ARHGAP22: variants seen among roughly 807,000 people sequenced by gnomAD.
The protein encoded by ARHGAP22 is Rho GTPase activating protein 22, also known as rho GTPase-activating protein 22.
ARHGAP22 carries 48 observed loss-of-function variants against 59.1 expected under a neutral mutation model. The ratio of observed to expected loss-of-function variants is 0.81; its 90% confidence interval spans 0.64 to 1.03. ARHGAP22 has a LOEUF of 1.03. Among genes scored for constraint, ARHGAP22 ranks in the 50% least tolerant of loss-of-function variants. The probability of loss-of-function intolerance (pLI) is 0.00; values close to 1 mark genes in which losing one functional copy is unlikely to be tolerated. For missense variants in ARHGAP22, 1,015 were observed against 958.7 expected (o/e 1.06, Z -0.78); for synonymous variants, 445 against 416.4 (o/e 1.07, Z -0.84).
downstream of ARHGAP22, chr10:48,443,961 A>AGAC (rs2045264714): frequency 6.6e-6 from 1 of 152,190 alleles, no homozygotes; most frequent in African/African-American, 2.4e-5. Flanking sequence ...TTTTTTAGTG[A>AGAC]GACATTCACA....
intron 3 of ARHGAP22, among the ~76,000 whole-genome samples, chr10:48,484,883 C>T (rs564419716): frequency 6.6e-6 from 1 of 152,340 alleles, no homozygotes; most frequent in South Asian, 2.1e-4. Flanking sequence ...TGGAGGATTA[C>T]CAATTTTATT....
In ARHGAP22 at chr10:48,582,974, G is replaced by T. The variant is rs1368758605; in HGVS notation, c.213C>A (p.Asp71Glu). Reference protein sequence around the residue: ...LRGDQLFYYKDKDEIKPQGFI... With the variant: ...LRGDQLFYYKEKDEIKPQGFI... The stretch of plus-strand genomic sequence containing the variant: ...TCACCTGGGGCTTGATCTCATCTTT[G>T]TCCTTGTAGTAGAAAAGCTGATCCC... The change falls in exon 2 of 10, where the codon GAC (aspartate) becomes GAA (glutamate). Residue 71 changes from aspartate (D) to glutamate (E), a missense_variant. Transcript: ENST00000249601. The T allele has an allele frequency of 6.2e-7, 1 of 1,614,104 alleles. No individual in the cohort carries two copies. Among genetic ancestry groups the T allele is most frequent in the Non-Finnish European group, 8.5e-7 (1 of 1,180,050 alleles).
chr10:48,445,739 G>A (rs2045313409), downstream of ARHGAP22: 1 of 154,576 alleles, frequency 6.5e-6, no homozygotes, highest in Non-Finnish European at 1.4e-5. Flanking sequence ...AGCAGAGCTA[G>A]GGCCATGGTG....
At chr10:48,607,294 T>C (rs2060714509), upstream of ARHGAP22, among the ~76,000 whole-genome samples, 1 of 152,220 alleles carries the variant, frequency 6.6e-6, no homozygotes, top group Non-Finnish European at 1.5e-5. Flanking sequence ...CCTGCTTTTC[T>C]GGGGATCAGA....
intron 3 of ARHGAP22, among the ~76,000 whole-genome samples, chr10:48,520,633 T>C (rs184685918): frequency 6.6e-6 from 1 of 152,168 alleles, no homozygotes; most frequent in Admixed American, 6.5e-5. Flanking sequence ...GGTTTTGTTT[T>C]TGAATTTTTG....
intron 3 of ARHGAP22, among the ~76,000 whole-genome samples, chr10:48,496,586 C>T (rs1241062491): frequency 6.6e-6 from 1 of 152,170 alleles, no homozygotes; most frequent in Non-Finnish European, 1.5e-5. Context: ...CCGCTCTCTT[C>T]ACCTTAGCTG....
the ARHGAP22 span, chr10:48,431,264 C>T: frequency 1.2e-6 from 2 of 1,609,238 alleles, no homozygotes; most frequent in East Asian, 2.2e-5. Context: ...GCAGCCCTCT[C>T]CTTTAGGTTG....
At position 48,577,801 on chromosome 10, in the gene ARHGAP22, G is replaced by GTTTTTT. The variant is rs34557935; in HGVS notation, c.234+5146_234+5151dup. 6.1e-4 allele frequency among the ~76,000 whole-genome samples: 36 copies of GTTTTTT among 59,160 alleles called. 6 individuals carry two copies. The highest frequency in any genetic ancestry group is 5.5e-3 in the South Asian group (4 of 726). The allele number at this position is 59,160 out of a possible 152,430, so 38.8% of individuals were successfully genotyped here. On this transcript the variant is annotated intron_variant, in intron 2 of 9. Transcript: ENST00000249601. ...TCTGAGATCTAACTGCTCTTTTTTG[G>GTTTTTT]TTTTTTTTTTTTTTTTTTTTTTTTT...
chr10:48,592,137 C>T (rs2059796503), intron 1 of ARHGAP22, among the ~76,000 whole-genome samples: 1 of 152,196 alleles, frequency 6.6e-6, no homozygotes, highest in South Asian at 2.1e-4. Context: ...TCTCTTTTAT[C>T]CAGCACCTCA....
chr10:48,543,484 C>A (rs1330847060), intron 3 of ARHGAP22, among the ~76,000 whole-genome samples: 1 of 152,114 alleles, frequency 6.6e-6, no homozygotes, highest in Non-Finnish European at 1.5e-5. Flanking sequence ...ATAAACATGT[C>A]CTGTATTTAA....
chr10:48,626,147 G>A (rs2061441661), intron 1 of ARHGAP22, among the ~76,000 whole-genome samples: 1 of 152,172 alleles, frequency 6.6e-6, no homozygotes, highest in African/African-American at 2.4e-5. Flanking sequence ...TTGATATTAT[G>A]CTGGTTTCTT....
At chr10:48,496,355 C>T (rs1486846770) in intron 3 of ARHGAP22, among the ~76,000 whole-genome samples, 2 of 152,108 alleles carry the variant, frequency 1.3e-5, no homozygotes, top group African/African-American at 4.8e-5. Context: ...ACAACAGCAG[C>T]CTACTATGCG....
At chr10:48,633,048 C>T (rs1331542715) in intron 1 of ARHGAP22, among the ~76,000 whole-genome samples, 3 of 152,162 alleles carry the variant, frequency 2.0e-5, no homozygotes, top group Non-Finnish European at 4.4e-5. Flanking sequence ...CAGGCCTTTC[C>T]ATTGGATGAT....
chr10:48,517,385 T>C (rs1380278214), intron 3 of ARHGAP22, among the ~76,000 whole-genome samples: 3 of 152,078 alleles, frequency 2.0e-5, no homozygotes, highest in African/African-American at 7.2e-5. Context: ...GGGAGAGATA[T>C]TTTAGGGGTT....
chr10:48,563,216 C>T (rs2057813111), intron 2 of ARHGAP22, among the ~76,000 whole-genome samples: 2 of 41,270 alleles, frequency 4.8e-5, no homozygotes, highest in African/African-American at 2.0e-4. Flanking sequence ...TTTTTTGAGA[C>T]GTATTCTTGC....
chr10:48,629,238 G>A (rs1589238226), intron 1 of ARHGAP22, among the ~76,000 whole-genome samples: 1 of 152,168 alleles, frequency 6.6e-6, no homozygotes, highest in Admixed American at 6.5e-5. Flanking sequence ...AGGACAGCCT[G>A]GAAAGCCCAG....
chr10:48,568,301 C>G (rs527418370), intron 2 of ARHGAP22, among the ~76,000 whole-genome samples: 19 of 152,314 alleles, frequency 1.2e-4, no homozygotes, highest in African/African-American at 4.6e-4. Context: ...GTTGTGGACC[C>G]CATGCCCATT....
rs374480695 is a variant in ARHGAP22, at chr10:48,631,975, AT to A, written c.52+20258del. Among the ~76,000 whole-genome samples the A allele has an allele frequency of 1.4e-4, 22 of 152,080 alleles. 1 individual carries two copies. The highest frequency in any genetic ancestry group is 4.6e-4 in the African/African-American group (19 of 41,502). ...CTCACTTTTTTTTACAATGAAAATT[AT>A]TTTTCTATTTCAATACTTTTGGGGT... On this transcript the variant is annotated intron_variant, in intron 1 of 9. Transcript: ENST00000435790.
chr10:48,454,311 C>G, intron 6 of ARHGAP22, 150 bp from the exon 7 acceptor site: 1 of 718,018 alleles, frequency 1.4e-6, no homozygotes, highest in Non-Finnish European at 2.4e-6. Context: ...TCCACCTCCC[C>G]TCAAGGAGTG....
Sources: allele counts gnomAD v4.1 joint callset (sites outside exome capture counted in the v4.1 genomes callset), GRCh38; gene constraint gnomAD v4.1.1; transcripts MANE v1.5; gene names NCBI Gene and HGNC (gene_info 2026-07-23, HGNC 2026-07-21).